The following SYN2 variants were observed in gnomAD, a reference collection of about 807,000 sequenced individuals.
SYN2 encodes synapsin II, also known as synapsin-2.
SYN2 carries 19 observed loss-of-function variants against 50.9 expected under a neutral mutation model. The observed-to-expected ratio is 0.37, with a 90% confidence interval of 0.26 to 0.55. The LOEUF (loss-of-function observed/expected upper bound fraction) is 0.55, where lower values mean the gene tolerates loss of function less well. Ranked by LOEUF, SYN2 falls within the 20% of genes least tolerant of loss-of-function variation. The pLI is 0.81. For synonymous variants in SYN2, 255 were observed against 224.9 expected (o/e 1.13, Z -1.20); for missense variants, 587 against 576.4 (o/e 1.02, Z -0.19).
At chr3:12,132,550 C>G (rs1346502473) in intron 1 of SYN2, among the ~76,000 whole-genome samples, 1 of 152,168 alleles carries the variant, frequency 6.6e-6, no homozygotes, top group African/African-American at 2.4e-5. Flanking sequence ...CCTCCACACC[C>G]ATGTGTTGCC....
At chr3:12,095,199 C>T (rs141265648) in intron 1 of SYN2, among the ~76,000 whole-genome samples, 155 of 151,998 alleles carry the variant, frequency 1.0e-3, no homozygotes, top group African/African-American at 3.6e-3. Flanking sequence ...CAGCTCACTA[C>T]AGTCTGGCTT....
intron 1 of SYN2, chr3:12,071,250 T>C (rs1223596738): frequency 2.9e-5 from 16 of 555,420 alleles, no homozygotes; most frequent in Admixed American, 2.5e-4. Flanking sequence ...GCAAGTACTC[T>C]GTGTGGATCT....
intron 4 of SYN2, among the ~76,000 whole-genome samples, chr3:12,150,912 A>C (rs1221887918): frequency 6.6e-6 from 1 of 151,944 alleles, no homozygotes; most frequent in African/African-American, 2.4e-5. Context: ...TTCACCTTGC[A>C]GTTCTGTGAC....
At chr3:12,102,395 G>A (rs1280460519) in intron 1 of SYN2, among the ~76,000 whole-genome samples, 1 of 152,126 alleles carries the variant, frequency 6.6e-6, no homozygotes, top group East Asian at 1.9e-4. Flanking sequence ...TTTTCAATGA[G>A]TCAGGCAATA....
intron 1 of SYN2, among the ~76,000 whole-genome samples, chr3:12,064,594 A>G (rs1574918477): frequency 6.6e-6 from 1 of 152,090 alleles, no homozygotes; most frequent in Non-Finnish European, 1.5e-5. Flanking sequence ...TCTCCAAAGA[A>G]CATATACAAA....
intron 3 of SYN2, among the ~76,000 whole-genome samples, chr3:12,143,021 G>T (rs1697058359): frequency 6.6e-6 from 1 of 152,198 alleles, no homozygotes; most frequent in South Asian, 2.1e-4. Context: ...AAATGGATGG[G>T]CTCCTCCAGC....
chr3:12,116,194 T>G (rs1696430344), intron 1 of SYN2, among the ~76,000 whole-genome samples: 1 of 152,220 alleles, frequency 6.6e-6, no homozygotes, highest in South Asian at 2.1e-4. Context: ...TATGGACCTT[T>G]CTGAACTCCT....
intron 10 of SYN2, among the ~76,000 whole-genome samples, chr3:12,172,726 A>G (rs1286310700): frequency 6.6e-6 from 1 of 152,216 alleles, no homozygotes; most frequent in African/African-American, 2.4e-5. Flanking sequence ...CTTGGAGGTC[A>G]GAATAATACC....
chr3:12,158,665 C>A, intron 5 of SYN2: 1 of 1,606,658 alleles, frequency 6.2e-7, no homozygotes, highest in Non-Finnish European at 8.5e-7. Flanking sequence ...CCCCCACAAC[C>A]ACCCCCTGCT....
At chr3:12,123,371 G>T (rs973476009) in intron 1 of SYN2, among the ~76,000 whole-genome samples, 33 of 152,168 alleles carry the variant, frequency 2.2e-4, no homozygotes, top group African/African-American at 8.0e-4. Flanking sequence ...ATCACAACTG[G>T]ACTGAGAGCA....
chr3:12,185,032 C>T (rs1450065772), intron 11 of SYN2: 2 of 985,684 alleles, frequency 2.0e-6, no homozygotes. Flanking sequence ...TTGGTTTCTC[C>T]TTTGATTGCT....
At chr3:12,018,078 G>C (rs1235342497) in intron 1 of SYN2, among the ~76,000 whole-genome samples, 1 of 152,140 alleles carries the variant, frequency 6.6e-6, no homozygotes, top group Non-Finnish European at 1.5e-5. Flanking sequence ...GGTCTAAGTA[G>C]GTTAAGATGA....
intron 1 of SYN2, among the ~76,000 whole-genome samples, chr3:12,111,152 C>G (rs1280672237): frequency 6.6e-6 from 1 of 152,122 alleles, no homozygotes; most frequent in Non-Finnish European, 1.5e-5. Flanking sequence ...GCAGATCTTT[C>G]CTGTGCTGTT....
intron 11 of SYN2, chr3:12,184,697 C>G (rs944093015): frequency 1.0e-6 from 1 of 985,882 alleles, no homozygotes; most frequent in Non-Finnish European, 1.2e-6. Flanking sequence ...TTGAGGAATC[C>G]TCACCAGTTT....
chr3:12,044,205 A>ACC (rs1559397127), intron 1 of SYN2, among the ~76,000 whole-genome samples: 20 of 135,232 alleles, frequency 1.5e-4, no homozygotes, highest in South Asian at 7.7e-4. Context: ...ACACACACAC[A>ACC]CACACACACA....
chr3:12,153,371 C>G (rs1697360283), intron 5 of SYN2: 2 of 976,674 alleles, frequency 2.0e-6, no homozygotes, highest in East Asian at 4.9e-5. Flanking sequence ...CCTTCCCTGC[C>G]TTGACAGTGG....
intron 1 of SYN2, among the ~76,000 whole-genome samples, chr3:12,130,593 C>A (rs997996696): frequency 6.6e-6 from 1 of 152,184 alleles, no homozygotes; most frequent in African/African-American, 2.4e-5. Context: ...TCTCATCCAG[C>A]AACACCCTCA....
chr3:12,164,149 T>C (rs1447744145), intron 7 of SYN2, among the ~76,000 whole-genome samples: 8 of 152,128 alleles, frequency 5.3e-5, no homozygotes, highest in Non-Finnish European at 1.0e-4. Context: ...CAAAAAAATA[T>C]ATACCTTCAG....
chr3:12,166,624 A>G (rs969637760), intron 7 of SYN2, among the ~76,000 whole-genome samples: 1 of 152,226 alleles, frequency 6.6e-6, no homozygotes, highest in Admixed American at 6.5e-5. Context: ...TTAACCCTGA[A>G]GAGTTAATTG....
Sources: gnomAD v4.1 joint callset for allele counts (sites outside exome capture counted in the v4.1 genomes callset) on GRCh38, gnomAD v4.1.1 for gene constraint, MANE v1.5 for transcripts, NCBI Gene and HGNC (gene_info 2026-07-23, HGNC 2026-07-21) for gene names.